The following NCOA4 variants were observed in gnomAD, a reference collection of about 807,000 sequenced individuals.
NCOA4 encodes 70 kDa AR-activator.
A neutral mutation model predicts 69.5 loss-of-function variants in NCOA4; 31 were observed. The observed-to-expected ratio is 0.45, with a 90% confidence interval of 0.34 to 0.60. The LOEUF is 0.60. Among genes scored for constraint, NCOA4 ranks in the 20% least tolerant of loss-of-function variants. The pLI is 0.02. For missense variants in NCOA4, 600 were observed against 719.2 expected (o/e 0.83, Z 1.90); for synonymous variants, 228 against 252.4 (o/e 0.90, Z 0.92).
chr10:46,029,616 A>AC (rs1554926153), intron 1 of NCOA4, among the ~76,000 whole-genome samples: 1 of 152,198 alleles, frequency 6.6e-6, no homozygotes, highest in Non-Finnish European at 1.5e-5. Flanking sequence ...ACTGTGGTGA[A>AC]CCCGACCCTG....
Position 46,014,988 on chromosome 10 carries a change from C to A in NCOA4, c.283-46G>T, listed in dbSNP as rs782802533. On this transcript the variant is annotated intron_variant, in intron 3 of 9. Coordinates refer to ENST00000581486, the MANE Select transcript of NCOA4 (RefSeq NM_001145263.2). ...ACTAGCCACAATGACACCAAAAGCA[C>A]CAGATATACTCAAGTTACCAAACAG... 5 of 1,588,560 alleles carry A rather than the reference C, an allele frequency of 3.1e-6. No homozygotes were observed. In the Admixed American group the frequency reaches 8.4e-5, roughly 27 times the overall value.
chr10:46,014,631 G>T (rs530763428), intron 4 of NCOA4, 79 bp from the exon 5 acceptor site: 3 of 1,068,304 alleles, frequency 2.8e-6, no homozygotes, highest in African/African-American at 3.2e-5. Context: ...AAGCCAAATT[G>T]TGAGTAATTT....
At position 46,010,277 on chromosome 10, in the gene NCOA4, G is replaced by A; in HGVS notation, c.1644C>T (p.Asn548=). The part of the protein sequence containing the change: ...DWVLPGKKMG[N]LSQLSSGEDK... Reference sequence around the variant, plus strand: ...CTTCTCCAGAAGATAACTGGCTGAGGTTGCCCATCTTCTTTCCTGGCAGGA... The same window carrying A: ...CTTCTCCAGAAGATAACTGGCTGAGATTGCCCATCTTCTTTCCTGGCAGGA... Residue 548 remains asparagine (N), a synonymous_variant, in exon 8 of 10, where the codon AAC becomes AAT. Coordinates refer to ENST00000581486, the MANE Select transcript of NCOA4 (RefSeq NM_001145263.2). 1 of 1,613,826 alleles carries A rather than the reference G, an allele frequency of 6.2e-7. No homozygotes were observed. Among genetic ancestry groups the A allele is most frequent in the African/African-American group, 1.3e-5 (1 of 75,044 alleles).
In NCOA4 at chr10:46,011,097, T is replaced by C. The variant is rs1839176577; in HGVS notation, c.824A>G (p.His275Arg). ...AATGGAGAAAGAACTAGTAGTGGAATGGCTGTTACACTTTTGATAACTTGA... is the reference window on the plus strand; with the variant it reads ...AATGGAGAAAGAACTAGTAGTGGAACGGCTGTTACACTTTTGATAACTTGA... ...EKSSYQKCNS[H>R]STTSSFSIEM... Residue 275 changes from histidine to arginine, a missense_variant, in exon 8 of 10, where the codon CAT becomes CGT. Transcript: ENST00000581486. 1 of 1,613,816 alleles carries C rather than the reference T, an allele frequency of 6.2e-7. No individual in the cohort carries two copies. The highest frequency in any genetic ancestry group is 1.3e-5 in the African/African-American group (1 of 74,920).
chr10:46,023,633 G>A (rs1205064672), intron 1 of NCOA4, among the ~76,000 whole-genome samples: 1 of 152,236 alleles, frequency 6.6e-6, no homozygotes, highest in Non-Finnish European at 1.5e-5. Flanking sequence ...GGCCCCCAGG[G>A]TAAGGCCAGC....
At chr10:46,027,641 A>G in intron 1 of NCOA4, 1 of 655,616 alleles carries the variant, frequency 1.5e-6, no homozygotes, top group Non-Finnish European at 2.6e-6. Flanking sequence ...CTTCCATGAA[A>G]CTGAACTTAA....
chr10:46,014,428 A>C lies in NCOA4; in HGVS notation c.480+16T>G. On this transcript the variant is annotated intron_variant, in intron 5 of 9. Coordinates refer to ENST00000581486, the MANE Select transcript of NCOA4 (RefSeq NM_001145263.2). ...AGATATGAGAAGTGCCCAGTGAAGC[A>C]TATGAGATTACTCACAATGGTTTTG... 6.4e-7 allele frequency: 1 copy of C among 1,557,366 alleles called. No homozygotes were observed. Among genetic ancestry groups the C allele is most frequent in the Non-Finnish European group, 8.8e-7 (1 of 1,130,192 alleles).
rs574536748 is a variant in NCOA4, at chr10:46,014,926, T to G, written c.299A>C (p.Asn100Thr). 2 of 1,614,002 alleles carry G rather than the reference T, an allele frequency of 1.2e-6. No individual in the cohort carries two copies. The highest frequency in any genetic ancestry group is 1.7e-5 in the Admixed American group (1 of 60,006). ...ACACTCCAGTTGATGAGTAAGACAA[T>G]TGAACTGGCCCAATAACTAAAAGAA... ...QQLYSLLGQF[N>T]CLTHQLECTQ... The change falls in exon 4 of 10, where the codon AAT becomes ACT. Residue 100 changes from asparagine (N) to threonine (T), a missense_variant. Asn to Thr is a moderately conservative substitution (Grantham distance 65). Coordinates refer to ENST00000581486, the MANE Select transcript of NCOA4 (RefSeq NM_001145263.2).
intron 2 of NCOA4, among the ~76,000 whole-genome samples, chr10:46,015,534 T>C (rs1481445560): frequency 6.6e-6 from 1 of 152,146 alleles, no homozygotes; most frequent in Non-Finnish European, 1.5e-5. Flanking sequence ...ATCCTAGCCA[T>C]AAAGGCATAC....
chr10:46,010,484 A>T lies in NCOA4; in HGVS notation c.1437T>A (p.Pro479=). 1.2e-6 allele frequency: 2 copies of T among 1,614,192 alleles called. No individual in the cohort carries two copies. Among genetic ancestry groups the T allele is most frequent in the Non-Finnish European group, 1.7e-6 (2 of 1,180,030 alleles). The change falls in exon 8 of 10, where the codon CCT becomes CCA. Residue 479 remains proline, a synonymous_variant. Coordinates refer to ENST00000581486, the MANE Select transcript of NCOA4 (RefSeq NM_001145263.2). The part of the protein sequence containing the change: ...EQTKAPKAMT[P]SRIADSFQVI... ...CTTGGAAGGAATCAGCAATTCTAGA[A>T]GGAGTCATTGCCTTTGGTGCTTTAG...
chr10:46,027,544 G>C (rs1455833672), intron 1 of NCOA4: 1 of 1,439,854 alleles, frequency 6.9e-7, no homozygotes, highest in Non-Finnish European at 9.4e-7. Flanking sequence ...TGAAAACAAA[G>C]TCAAGATGAA....
In NCOA4 at chr10:46,013,004, G is replaced by C. The variant is rs1590158946; in HGVS notation, c.593C>G (p.Ala198Gly). 6.2e-7 allele frequency: 1 copy of C among 1,614,014 alleles called. No individual in the cohort carries two copies. Among genetic ancestry groups the C allele is most frequent in the South Asian group, 1.1e-5 (1 of 91,082 alleles). The change falls in exon 7 of 10, where the codon GCT (alanine) becomes GGT (glycine). Residue 198 changes from alanine (A) to glycine (G), a missense_variant. Ala to Gly is a moderately conservative substitution (Grantham distance 60, BLOSUM62 0). Coordinates refer to ENST00000581486, the MANE Select transcript of NCOA4 (RefSeq NM_001145263.2). Reference sequence around the variant, plus strand: ...AAGGAGCCATTCGCTGAAAGGGACAGCTACAATACCGGATGCTGACTTCTG... The same window carrying C: ...AAGGAGCCATTCGCTGAAAGGGACACCTACAATACCGGATGCTGACTTCTG... ...PEQKSASGIV[A>G]VPFSEWLLGS...
At chr10:46,028,129 T>C (rs1241996565) in intron 1 of NCOA4, among the ~76,000 whole-genome samples, 1 of 152,146 alleles carries the variant, frequency 6.6e-6, no homozygotes, top group Non-Finnish European at 1.5e-5. Context: ...TCAGGGCCCT[T>C]GCGCTTTCCT....
chr10:46,015,889 AC>A (rs1399302492), intron 2 of NCOA4, among the ~76,000 whole-genome samples: 1 of 152,236 alleles, frequency 6.6e-6, no homozygotes, highest in Non-Finnish European at 1.5e-5. Flanking sequence ...GGAAGCATAA[AC>A]AGTGATTCAA....
In NCOA4 at chr10:46,005,244, A is replaced by G. The variant is rs572663301; in HGVS notation, c.*1348T>C. 18 of 213,544 alleles carry G rather than the reference A, an allele frequency of 8.4e-5. No individual in the cohort carries two copies. The South Asian group carries it at 2.6e-3, about 31-fold the overall frequency. 13.2% of individuals were successfully genotyped at this position (213,544 alleles called of 1,614,324 possible). On this transcript the variant is annotated 3_prime_UTR_variant, in exon 10 of 10. Coordinates refer to ENST00000581486, the MANE Select transcript of NCOA4 (RefSeq NM_001145263.2). ...AGAAACTACAGAGCTGCAACTCAAG[A>G]TAACTGGAAAGGCTCCTTACATTGT...
intron 1 of NCOA4, among the ~76,000 whole-genome samples, chr10:46,026,601 C>T (rs1439810541): frequency 3.9e-5 from 6 of 152,128 alleles, no homozygotes; most frequent in Admixed American, 3.9e-4. Flanking sequence ...GTGGTTCTCC[C>T]CATAGAAGCC....
intron 1 of NCOA4, among the ~76,000 whole-genome samples, chr10:46,017,185 T>G (rs2132348276): frequency 6.6e-6 from 1 of 152,342 alleles, no homozygotes; most frequent in South Asian, 2.1e-4. Flanking sequence ...TTTCCCCCTT[T>G]TAGGTAGAAC....
At chr10:46,008,364 C>G (rs1205163441) in intron 9 of NCOA4, among the ~76,000 whole-genome samples, 1 of 152,170 alleles carries the variant, frequency 6.6e-6, no homozygotes, top group Non-Finnish European at 1.5e-5. Flanking sequence ...GTCAAAATAT[C>G]AACATTAACA....
rs538676129 is a variant in NCOA4, at chr10:46,029,039, A to T, written c.-15+1487T>A. Among the ~76,000 whole-genome samples, 94 of 151,588 alleles carry T rather than the reference A, an allele frequency of 6.2e-4. No individual in the cohort carries two copies. In the South Asian group the frequency reaches 8.9e-3, roughly 14 times the overall value. ...GCACAGCTATACTGATTTAATAAAA[A>T]AAAAAAAAAGGGGGGGGTGAGGGGT... On this transcript the variant is annotated intron_variant, in intron 1 of 9. Transcript: ENST00000581486.
Sources: gnomAD v4.1 joint callset for allele counts (sites outside exome capture counted in the v4.1 genomes callset) on GRCh38, gnomAD v4.1.1 for gene constraint, MANE v1.5 for transcripts, NCBI Gene and HGNC (gene_info 2026-07-23, HGNC 2026-07-21) for gene names.